UQCRH: variants seen among roughly 807,000 people sequenced by gnomAD.
UQCRH encodes ubiquinol-cytochrome c reductase hinge protein, also known as cytochrome b-c1 complex subunit 6, mitochondrial.
UQCRH carries 14 observed loss-of-function variants against 16.3 expected under a neutral mutation model. The ratio of observed to expected loss-of-function variants is 0.86; its 90% confidence interval spans 0.57 to 1.34. The LOEUF (loss-of-function observed/expected upper bound fraction) is 1.34, where lower values mean the gene tolerates loss of function less well. Ranked by LOEUF, UQCRH falls within the 40% of genes most tolerant of loss-of-function variation. UQCRH has a pLI of 0.00. For missense variants in UQCRH, 89 were observed against 111.9 expected (o/e 0.80, Z 0.92); for synonymous variants, 41 against 41.9 (o/e 0.98, Z 0.08).
chr1:46,303,778 G>A lies in UQCRH; in HGVS notation c.12G>A (p.Glu4=). ...AACCGTAGCCAGACATGGGACTGGA[G>A]GACGAGCAAAAGATGCTTACCGAAT... MGL[E]DEQKMLTESG... Residue 4 remains glutamate (E), a synonymous_variant, in exon 1 of 4, where the codon GAG becomes GAA. Coordinates refer to ENST00000311672, the MANE Select transcript of UQCRH (RefSeq NM_006004.4). The A allele has an allele frequency of 1.9e-6, 3 of 1,614,170 alleles. No homozygotes were observed. Among genetic ancestry groups the A allele is most frequent in the Non-Finnish European group, 2.5e-6 (3 of 1,180,020 alleles).
At chr1:46,305,559 C>T (rs1319097936) in intron 1 of UQCRH, among the ~76,000 whole-genome samples, 3 of 151,212 alleles carry the variant, frequency 2.0e-5, no homozygotes, top group Admixed American at 6.6e-5. Context: ...TCCAAACCAT[C>T]CTGGCTAACA....
At chr1:46,315,478 C>T (rs1661566632) in intron 3 of UQCRH, among the ~76,000 whole-genome samples, 2 of 150,990 alleles carry the variant, frequency 1.3e-5, no homozygotes, top group South Asian at 4.2e-4. Flanking sequence ...CTTGTAATCC[C>T]AGCTACTCAG....
Position 46,316,662 on chromosome 1 carries a change from G to A in UQCRH, c.*78G>A. 6.3e-7 allele frequency: 1 copy of A among 1,595,074 alleles called. No individual in the cohort carries two copies. Among genetic ancestry groups the A allele is most frequent in the Non-Finnish European group, 8.5e-7 (1 of 1,172,040 alleles). ...CCTTATGGTTTTGGATGTACCATTT[G>A]TTTCTTATTTGTGTAACTGTAAGTT... On this transcript the variant is annotated 3_prime_UTR_variant, in exon 4 of 4. Transcript: ENST00000311672.
chr1:46,305,001 C>T (rs1661339597), intron 1 of UQCRH, among the ~76,000 whole-genome samples: 1 of 152,034 alleles, frequency 6.6e-6, no homozygotes, highest in African/African-American at 2.4e-5. Context: ...TTTTTCTAGT[C>T]TTATTATTTC....
intron 3 of UQCRH, among the ~76,000 whole-genome samples, chr1:46,311,080 A>AT (rs1368203896): frequency 1.3e-4 from 19 of 149,938 alleles, no homozygotes; most frequent in Non-Finnish European, 2.2e-4. Context: ...ATCTCAAAAA[A>AT]AAAAAAAAAT....
chr1:46,311,561 CA>C (rs1192776199), intron 3 of UQCRH, among the ~76,000 whole-genome samples: 2 of 150,722 alleles, frequency 1.3e-5, no homozygotes, highest in Non-Finnish European at 3.0e-5. Context: ...TTTGTATCCT[CA>C]AATGTGTCTA....
intron 3 of UQCRH, among the ~76,000 whole-genome samples, chr1:46,313,196 G>A (rs1661511885): frequency 6.6e-6 from 1 of 152,176 alleles, no homozygotes; most frequent in South Asian, 2.1e-4. Context: ...AACAACATAA[G>A]TGTCCATCAG....
chr1:46,315,979 A>C (rs1209596374), intron 3 of UQCRH, among the ~76,000 whole-genome samples: 1 of 152,216 alleles, frequency 6.6e-6, no homozygotes. Context: ...GAGCCAGCAT[A>C]GGAAACAGAA....
intron 1 of UQCRH, among the ~76,000 whole-genome samples, chr1:46,304,680 C>G (rs776649023): frequency 2.0e-5 from 3 of 151,320 alleles, no homozygotes; most frequent in Non-Finnish European, 4.4e-5. Flanking sequence ...CCACCGCGCC[C>G]GGCCCTAATT....
chr1:46,308,076 G>A (rs12078012), intron 1 of UQCRH, among the ~76,000 whole-genome samples: 1 of 152,186 alleles, frequency 6.6e-6, no homozygotes, highest in African/African-American at 2.4e-5. Context: ...TAAATCATAA[G>A]AGATATGAAG....
rs1661434758 is a variant in UQCRH, at chr1:46,309,781, C to T, written c.82-374C>T. The T allele has an allele frequency of 4.8e-6, 5 of 1,034,134 alleles. No individual in the cohort carries two copies. In the South Asian group the frequency reaches 7.8e-5, roughly 16 times the overall value. 64.1% of individuals were successfully genotyped at this position (1,034,134 alleles called of 1,614,324 possible). A position where few individuals can be genotyped will look rare whatever the true frequency, so the allele number is the denominator to read the frequency against. ...GGGGTGCATAGGCCTGGTTCTCAGA[C>T]AAGGGGATTTGAAGTTTCAGACGTG... On this transcript the variant is annotated intron_variant, in intron 2 of 3. Coordinates refer to ENST00000311672, the MANE Select transcript of UQCRH (RefSeq NM_006004.4).
chr1:46,310,125 C>T (rs773786491), intron 2 of UQCRH, 30 bp from the exon 3 acceptor site: 8 of 1,613,950 alleles, frequency 5.0e-6, no homozygotes, highest in Non-Finnish European at 6.8e-6. Context: ...TAAAAATGCC[C>T]ATTTTGTTTT....
At chr1:46,309,822 C>T (rs1661435516) in intron 2 of UQCRH, 2 of 1,244,700 alleles carry the variant, frequency 1.6e-6, no homozygotes, top group South Asian at 3.4e-5. Context: ...TTCCAAAATG[C>T]TGTGTTAACA....
intron 3 of UQCRH, among the ~76,000 whole-genome samples, chr1:46,316,344 C>T (rs553443567): frequency 1.8e-4 from 27 of 152,150 alleles, no homozygotes; most frequent in Admixed American, 1.8e-3. Context: ...AGAAGGCTTG[C>T]AGGAAATGAC....
At chr1:46,315,939 A>T (rs958629330) in intron 3 of UQCRH, among the ~76,000 whole-genome samples, 1 of 152,216 alleles carries the variant, frequency 6.6e-6, no homozygotes. Flanking sequence ...GGAGTAAGAT[A>T]GACATGGTTC....
At chr1:46,314,794 C>T (rs1236059018) in intron 3 of UQCRH, among the ~76,000 whole-genome samples, 1 of 152,056 alleles carries the variant, frequency 6.6e-6, no homozygotes, top group Admixed American at 6.6e-5. Flanking sequence ...GGTGAGGTAC[C>T]TAGAATAGCA....
chr1:46,305,767 T>TA (rs1476380005), intron 1 of UQCRH, among the ~76,000 whole-genome samples: 28 of 87,900 alleles, frequency 3.2e-4, no homozygotes, highest in African/African-American at 1.2e-3. Context: ...AATAAATAAA[T>TA]AAATAAAATA....
chr1:46,315,877 A>G (rs1161411795), intron 3 of UQCRH, among the ~76,000 whole-genome samples: 3 of 152,118 alleles, frequency 2.0e-5, no homozygotes, highest in Non-Finnish European at 4.4e-5. Flanking sequence ...CTGTGTGGTC[A>G]TTCTAAAAAT....
Position 46,316,690 on chromosome 1 carries a change from C to A in UQCRH, c.*106C>A. The stretch of plus-strand genomic sequence containing the variant: ...TCTTATTTGTGTAACTGTAAGTTCA[C>A]ATGAACCTCATGGGTTTGGCTTAGG... On this transcript the variant is annotated 3_prime_UTR_variant, in exon 4 of 4. Coordinates refer to ENST00000311672, the MANE Select transcript of UQCRH (RefSeq NM_006004.4). The A allele has an allele frequency of 6.5e-7, 1 of 1,536,832 alleles. No homozygotes were observed. Among genetic ancestry groups the A allele is most frequent in the South Asian group, 1.2e-5 (1 of 82,846 alleles).
Sources: allele counts gnomAD v4.1 joint callset (sites outside exome capture counted in the v4.1 genomes callset), GRCh38; gene constraint gnomAD v4.1.1; transcripts MANE v1.5; gene names NCBI Gene and HGNC (gene_info 2026-07-23, HGNC 2026-07-21).